DNAJC15: variants seen among roughly 807,000 people sequenced by gnomAD.
The protein encoded by DNAJC15 is dnaJ homolog subfamily C member 15.
In DNAJC15, 27 loss-of-function variants were observed where a neutral mutation model predicts 22.4. The observed-to-expected ratio is 1.20, with a 90% CI of 0.89 to 1.66. The LOEUF is 1.66. DNAJC15 is among the 40% of genes most tolerant of loss of function. The probability of loss-of-function intolerance (pLI) is 0.00; values close to 1 mark genes in which losing one functional copy is unlikely to be tolerated. For missense variants in DNAJC15, 208 were observed against 187.1 expected, an observed-to-expected ratio of 1.11 and a Z score of -0.65; for synonymous variants, 79 against 63.2, an observed-to-expected ratio of 1.25 and a Z score of -1.19.
chr13:43,076,393 A>T (rs916261751), intron 3 of DNAJC15, among the ~76,000 whole-genome samples: 3 of 151,826 alleles, frequency 2.0e-5, no homozygotes, highest in African/African-American at 2.4e-5. Flanking sequence ...GCCAGATCTG[A>T]CTCCCTAGAA....
intron 1 of DNAJC15, among the ~76,000 whole-genome samples, chr13:43,029,529 G>A (rs1356528540): frequency 9.5e-6 from 1 of 104,818 alleles, no homozygotes; most frequent in Non-Finnish European, 2.0e-5. Context: ...AACAATTTTG[G>A]TGCCTTTTTT....
intron 4 of DNAJC15, among the ~76,000 whole-genome samples, chr13:43,079,242 G>A (rs2040650413): frequency 6.6e-6 from 1 of 152,018 alleles, no homozygotes. Flanking sequence ...TTTACCATAT[G>A]TTCCCTTAGA....
In DNAJC15 at chr13:43,109,932, C is replaced by A. The variant is rs536949307; in HGVS notation, c.*2684C>A. ...TAAGGATGTGTAAAGCATTTAGTCA[C>A]GTAAATGCTTAAAAAAATGTAATTT... On this transcript the variant is annotated 3_prime_UTR_variant, in exon 6 of 6. Transcript: ENST00000379221. 1.4e-3 allele frequency: 212 copies of A among 151,004 alleles called. 5 individuals carry two copies. The highest frequency in any genetic ancestry group is 4.6e-4 in the Non-Finnish European group (31 of 68,004). The allele number at this position is 151,004 out of a possible 1,614,324, so 9.4% of individuals were successfully genotyped here. A position where few individuals can be genotyped will look rare whatever the true frequency, so the allele number is the denominator to read the frequency against.
chr13:43,072,487 C>A (rs2153441122), intron 3 of DNAJC15, among the ~76,000 whole-genome samples: 1 of 152,124 alleles, frequency 6.6e-6, no homozygotes, highest in East Asian at 1.9e-4. Flanking sequence ...CTTCATTCTA[C>A]AGTATTTTCA....
chr13:43,035,710 T>G (rs1348629683), intron 1 of DNAJC15, among the ~76,000 whole-genome samples: 2 of 152,160 alleles, frequency 1.3e-5, no homozygotes, highest in African/African-American at 4.8e-5. Context: ...TACCAATTTA[T>G]TTTTTAATTT....
chr13:43,113,675 C>A lies in DNAJC15; in HGVS notation c.*6427C>A, dbSNP rs895565972. 1 of 152,128 alleles carries A rather than the reference C, an allele frequency of 6.6e-6. No homozygotes were observed. The highest frequency in any genetic ancestry group is 2.4e-5 in the African/African-American group (1 of 41,428). The allele number at this position is 152,128 out of a possible 1,614,324, so 9.4% of individuals were successfully genotyped here. A position where few individuals can be genotyped will look rare whatever the true frequency, so the allele number is the denominator to read the frequency against. On this transcript the variant is annotated 3_prime_UTR_variant, in exon 6 of 6. Coordinates refer to ENST00000379221, the MANE Select transcript of DNAJC15 (RefSeq NM_013238.3). Reference sequence around the variant, plus strand: ...TCAGTGATCTTTCCATTTATCTATTCTTGGATTAGTGGTGCCTTTGCTCTT... The same window carrying A: ...TCAGTGATCTTTCCATTTATCTATTATTGGATTAGTGGTGCCTTTGCTCTT...
chr13:43,099,464 C>A (rs1206684210), intron 5 of DNAJC15, among the ~76,000 whole-genome samples: 1 of 152,172 alleles, frequency 6.6e-6, no homozygotes, highest in Non-Finnish European at 1.5e-5. Context: ...TGCTTCTGAT[C>A]TTAGGGAAAA....
In DNAJC15 at chr13:43,062,880, G is replaced by A. The variant is rs183822846; in HGVS notation, c.109-2806G>A. ...ATTACAGGAGCCCACCACCATGCCC[G>A]GCTAATTTTCATATTTTTAGTAGAT... On this transcript the variant is annotated intron_variant, in intron 1 of 5. Transcript: ENST00000379221. 4.0e-3 allele frequency among the ~76,000 whole-genome samples: 597 copies of A among 151,070 alleles called. 4 individuals carry two copies. Among genetic ancestry groups the A allele is most frequent in the African/African-American group, 0.014 (559 of 41,066 alleles).
Position 43,085,749 on chromosome 13 carries a change from C to T in DNAJC15, c.312-19C>T, listed in dbSNP as rs2040684793. 2 of 1,604,494 alleles carry T rather than the reference C, an allele frequency of 1.2e-6. No homozygotes were observed. Among genetic ancestry groups the T allele is most frequent in the Admixed American group, 1.7e-5 (1 of 58,576 alleles). On this transcript the variant is annotated intron_variant, in intron 4 of 5. Transcript: ENST00000379221. ...CATTTGATGCTATTTATTATAAGCA[C>T]TGTAATTTCTTTTTACAGCCCATCT...
intron 1 of DNAJC15, among the ~76,000 whole-genome samples, chr13:43,024,413 G>C (rs1462567719): frequency 7.5e-6 from 1 of 133,040 alleles, no homozygotes; most frequent in Non-Finnish European, 1.5e-5. Flanking sequence ...GCGCGATCTC[G>C]GCTCACTGCA....
intron 3 of DNAJC15, among the ~76,000 whole-genome samples, chr13:43,074,256 G>A (rs985397446): frequency 6.6e-6 from 1 of 152,052 alleles, no homozygotes; most frequent in Non-Finnish European, 1.5e-5. Context: ...TGAATACTTT[G>A]GTTTAACTTA....
intron 2 of DNAJC15, among the ~76,000 whole-genome samples, chr13:43,066,775 A>G (rs1324478532): frequency 6.6e-6 from 1 of 152,114 alleles, no homozygotes; most frequent in Admixed American, 6.5e-5. Flanking sequence ...GGCGCCAGCC[A>G]CCATGCCCAG....
At chr13:43,029,669 G>T (rs577210224) in intron 1 of DNAJC15, among the ~76,000 whole-genome samples, 43 of 151,664 alleles carry the variant, frequency 2.8e-4, no homozygotes, top group South Asian at 4.2e-4. Flanking sequence ...TGTTATTTTG[G>T]TTTTTTTAGT....
At chr13:43,070,949 A>G (rs1201349257) in intron 3 of DNAJC15, among the ~76,000 whole-genome samples, 2 of 152,212 alleles carry the variant, frequency 1.3e-5, no homozygotes, top group Non-Finnish European at 2.9e-5. Flanking sequence ...TGGTGGCTTG[A>G]AATAGAGTAG....
At chr13:43,033,017 ACAGAGACAGGGAGGTGCTG>A (rs1185662212) in intron 1 of DNAJC15, among the ~76,000 whole-genome samples, 1 of 152,160 alleles carries the variant, frequency 6.6e-6, no homozygotes, top group Non-Finnish European at 1.5e-5. Context: ...CGGGAGGAAG[ACAGAGACAGGGAGGTGCTG>A]CATACCCCCA....
intron 1 of DNAJC15, among the ~76,000 whole-genome samples, chr13:43,063,241 C>T (rs2040567753): frequency 6.6e-6 from 1 of 152,210 alleles, no homozygotes; most frequent in South Asian, 2.1e-4. Flanking sequence ...AAATTCTGAC[C>T]TCAGGTGATC....
chr13:43,035,549 A>G (rs1486144675), intron 1 of DNAJC15, among the ~76,000 whole-genome samples: 2 of 152,214 alleles, frequency 1.3e-5, no homozygotes, highest in Non-Finnish European at 2.9e-5. Context: ...GGTACTTTAA[A>G]TAGCACTTTC....
rs1333102868 is a variant in DNAJC15 at position 43,107,199 on chromosome 13, C to A, written c.404C>A (p.Ala135Asp). 1 of 1,589,092 alleles carries A rather than the reference C, an allele frequency of 6.3e-7. No individual in the cohort carries two copies. Among genetic ancestry groups the A allele is most frequent in the South Asian group, 1.1e-5 (1 of 87,104 alleles). The change falls in exon 6 of 6, where the codon GCC (alanine) becomes GAC (aspartate). Residue 135 changes from alanine to aspartate, a missense_variant. By Grantham distance (126) the Ala-to-Asp change is moderately radical. Transcript: ENST00000379221. The part of the protein sequence containing the change: ...PDKGGSPYVA[A>D]KINEAKDLLE... ...TCAGGTGGATCTCCTTACGTAGCAG[C>A]CAAAATAAATGAAGCAAAAGACTTG...
chr13:43,103,709 A>G (rs1270587433), intron 5 of DNAJC15, among the ~76,000 whole-genome samples: 1 of 152,082 alleles, frequency 6.6e-6, no homozygotes, highest in African/African-American at 2.4e-5. Flanking sequence ...CATTTTGTCT[A>G]CTTGTTTTAT....
Sources: allele counts gnomAD v4.1 joint callset (sites outside exome capture counted in the v4.1 genomes callset), GRCh38; gene constraint gnomAD v4.1.1; transcripts MANE v1.5; gene names NCBI Gene and HGNC (gene_info 2026-07-23, HGNC 2026-07-21).